LRMDA: variants seen among roughly 807,000 people sequenced by gnomAD.
LRMDA encodes the protein leucine rich melanocyte differentiation associated, also known as leucine-rich melanocyte differentiation-associated protein.
A neutral mutation model predicts 29.8 loss-of-function variants in LRMDA; 18 were observed. The ratio of observed to expected loss-of-function variants is 0.60; its 90% CI spans 0.42 to 0.90. The LOEUF (loss-of-function observed/expected upper bound fraction) is 0.90. Ranked by LOEUF, LRMDA falls within the 40% of genes least tolerant of loss-of-function variation. LRMDA has a pLI of 0.00. For missense variants in LRMDA, 273 were observed against 273.9 expected (o/e 1.00, Z 0.02); for synonymous variants, 125 against 109.4 (o/e 1.14, Z -0.89).
intron 5 of LRMDA, among the ~76,000 whole-genome samples, chr10:76,092,454 C>G (rs569436421): frequency 2.0e-5 from 3 of 152,328 alleles, no homozygotes; most frequent in African/African-American, 7.2e-5. Context: ...CCTTAGGAAG[C>G]CCTATATCCA....
chr10:76,477,979 G>C (rs1842694309), intron 6 of LRMDA, among the ~76,000 whole-genome samples: 1 of 152,136 alleles, frequency 6.6e-6, no homozygotes, highest in South Asian at 2.1e-4. Context: ...TACCATTGAG[G>C]ACATAGGCAC....
At chr10:76,382,910 G>A (rs772129212) in intron 6 of LRMDA, among the ~76,000 whole-genome samples, 2 of 152,236 alleles carry the variant, frequency 1.3e-5, no homozygotes, top group African/African-American at 2.4e-5. Context: ...CAGACGAAGA[G>A]AAGGAAGAGA....
At chr10:75,711,025 G>A (rs748118988) in intron 2 of LRMDA, among the ~76,000 whole-genome samples, 4 of 152,180 alleles carry the variant, frequency 2.6e-5, no homozygotes, top group African/African-American at 7.2e-5. Flanking sequence ...TTGTGGAAGC[G>A]GTCTCACAGT....
At chr10:76,040,166 A>G (rs1322445206) in intron 3 of LRMDA, among the ~76,000 whole-genome samples, 1 of 152,180 alleles carries the variant, frequency 6.6e-6, no homozygotes, top group Non-Finnish European at 1.5e-5. Flanking sequence ...AAGGAGCGGC[A>G]ATCATTGTAC....
At chr10:75,763,767 A>AG (rs1843127066) in intron 2 of LRMDA, among the ~76,000 whole-genome samples, 2 of 125,574 alleles carry the variant, frequency 1.6e-5, no homozygotes, top group Admixed American at 8.7e-5. Context: ...CCTGGTTGGG[A>AG]GGTAGTGTGT....
chr10:75,711,192 TG>T (rs778148356), intron 2 of LRMDA, among the ~76,000 whole-genome samples: 5 of 152,178 alleles, frequency 3.3e-5, no homozygotes, highest in Non-Finnish European at 7.3e-5. Flanking sequence ...AAGAAGCTTT[TG>T]GGAGAGGTGA....
intron 6 of LRMDA, among the ~76,000 whole-genome samples, chr10:76,545,325 G>A (rs1046453949): frequency 7.2e-5 from 11 of 151,766 alleles, no homozygotes; most frequent in South Asian, 6.2e-4. Flanking sequence ...CTCTCTAATA[G>A]GAACAGATCT....
chr10:76,307,365 A>G (rs1840570195), intron 5 of LRMDA, among the ~76,000 whole-genome samples: 1 of 152,200 alleles, frequency 6.6e-6, no homozygotes, highest in African/African-American at 2.4e-5. Context: ...TGGCCTAAAG[A>G]TAATGATGAG....
At chr10:76,208,887 C>T (rs1001482698) in intron 5 of LRMDA, among the ~76,000 whole-genome samples, 4 of 152,122 alleles carry the variant, frequency 2.6e-5, no homozygotes, top group African/African-American at 7.2e-5. Flanking sequence ...GGTGCGGTGG[C>T]TCACACTTGT....
intron 6 of LRMDA, among the ~76,000 whole-genome samples, chr10:76,460,768 A>G (rs1842504001): frequency 6.6e-6 from 1 of 152,126 alleles, no homozygotes; most frequent in South Asian, 2.1e-4. Context: ...CAAAACCTCT[A>G]AGGAAAGTTC....
intron 6 of LRMDA, among the ~76,000 whole-genome samples, chr10:76,544,996 G>A (rs1843402266): frequency 6.6e-6 from 1 of 152,042 alleles, no homozygotes; most frequent in Non-Finnish European, 1.5e-5. Context: ...AAAGATTATG[G>A]TGATATCAGT....
chr10:76,331,068 C>T (rs758743140), intron 6 of LRMDA, among the ~76,000 whole-genome samples: 3 of 152,102 alleles, frequency 2.0e-5, no homozygotes, highest in South Asian at 4.1e-4. Flanking sequence ...GTCAGGAGTT[C>T]GAGACCAGCC....
Position 76,127,741 on chromosome 10 carries a change from T to C in LRMDA, c.516+68958T>C, listed in dbSNP as rs1849911069. Among the ~76,000 whole-genome samples, 4 of 152,124 alleles carry C rather than the reference T, an allele frequency of 2.6e-5. No homozygotes were observed. The South Asian group carries it at 8.3e-4, about 32-fold the overall frequency. On this transcript the variant is annotated intron_variant, in intron 5 of 6. Transcript: ENST00000611255. ...CTGCACTCAGATTGCCTTAGGAGAC[T>C]TTTAAAGTTCTAGTTCCTCTTTAAA...
At chr10:75,980,918 CG>C (rs1847157626) in intron 2 of LRMDA, among the ~76,000 whole-genome samples, 1 of 152,144 alleles carries the variant, frequency 6.6e-6, no homozygotes, top group Non-Finnish European at 1.5e-5. Context: ...CCTTTGGTAA[CG>C]TGTGTGCGTC....
At chr10:75,592,534 G>A (rs991095574) in intron 2 of LRMDA, among the ~76,000 whole-genome samples, 15 of 152,204 alleles carry the variant, frequency 9.9e-5, no homozygotes, top group Non-Finnish European at 1.6e-4. Flanking sequence ...GGGGGCGAGG[G>A]GAGAGGGTCA....
At chr10:76,342,401 T>C (rs1841052766) in intron 6 of LRMDA, among the ~76,000 whole-genome samples, 1 of 152,006 alleles carries the variant, frequency 6.6e-6, no homozygotes, top group Non-Finnish European at 1.5e-5. Flanking sequence ...GGAAAATAGA[T>C]AGCTTGAAGT....
intron 2 of LRMDA, among the ~76,000 whole-genome samples, chr10:75,746,905 T>C (rs1049615330): frequency 6.6e-6 from 1 of 152,168 alleles, no homozygotes; most frequent in Non-Finnish European, 1.5e-5. Context: ...ATAAATTTCC[T>C]TAAACAGAGA....
At chr10:76,477,117 G>C (rs1295713500) in intron 6 of LRMDA, among the ~76,000 whole-genome samples, 6 of 152,124 alleles carry the variant, frequency 3.9e-5, no homozygotes, top group African/African-American at 1.4e-4. Flanking sequence ...AATTGTCCCT[G>C]TTTGCAGATG....
chr10:75,916,969 A>G (rs1490570128), intron 2 of LRMDA, among the ~76,000 whole-genome samples: 1 of 152,142 alleles, frequency 6.6e-6, no homozygotes, highest in Non-Finnish European at 1.5e-5. Flanking sequence ...AGCACTATAT[A>G]CACTTTTTGT....
Sources: gnomAD v4.1 joint callset for allele counts (sites outside exome capture counted in the v4.1 genomes callset) on GRCh38, gnomAD v4.1.1 for gene constraint, MANE v1.5 for transcripts, NCBI Gene and HGNC (gene_info 2026-07-23, HGNC 2026-07-21) for gene names.